Variants in NWD1 observed in about 807,000 individuals in gnomAD.
NWD1 encodes NACHT and WD repeat domain containing 1, also known as NACHT domain- and WD repeat-containing protein 1.
NWD1 carries 129 observed loss-of-function variants against 135.1 expected under a neutral mutation model. The ratio of observed to expected loss-of-function variants is 0.96; its 90% CI spans 0.83 to 1.11. The LOEUF (loss-of-function observed/expected upper bound fraction) is 1.11. Among genes scored for constraint, NWD1 ranks in the 50% least tolerant of loss-of-function variants. The probability of loss-of-function intolerance (pLI) is 0.00; values close to 1 mark genes in which losing one functional copy is unlikely to be tolerated. For synonymous variants in NWD1, 773 were observed against 786.0 expected (o/e 0.98, Z 0.28); for missense variants, 1,740 against 1,851.3 (o/e 0.94, Z 1.10).
intron 18 of NWD1, among the ~76,000 whole-genome samples, chr19:16,811,291 T>C (rs1227800515): frequency 6.6e-6 from 1 of 152,094 alleles, no homozygotes; most frequent in Non-Finnish European, 1.5e-5. Context: ...AAAAAAGAAA[T>C]TGAATCCTAT....
intron 10 of NWD1, among the ~76,000 whole-genome samples, chr19:16,770,825 T>G (rs181642592): frequency 2.0e-5 from 3 of 152,288 alleles, no homozygotes; most frequent in Non-Finnish European, 4.4e-5. Flanking sequence ...CCTATTTTTG[T>G]CATCTGCAAA....
chr19:16,762,485 C>T (rs929551158), intron 8 of NWD1, among the ~76,000 whole-genome samples: 12 of 151,718 alleles, frequency 7.9e-5, no homozygotes, highest in African/African-American at 2.4e-4. Flanking sequence ...TTAGTAGAGA[C>T]GGGGTTTCAC....
rs749701483 is a variant in NWD1, at chr19:16,773,128, A to C, written c.2413A>C (p.Arg805=). The C allele has an allele frequency of 3.7e-5, 60 of 1,613,666 alleles. No individual in the cohort carries two copies. The highest frequency in any genetic ancestry group is 4.2e-6 in the Non-Finnish European group (5 of 1,179,926). ...TAGTCTACATCCCTTTGTTGCAGAGAGGAGCCTCCTGTACACAGAACTGCT... is the reference window on the plus strand; with the variant it reads ...TAGTCTACATCCCTTTGTTGCAGAGCGGAGCCTCCTGTACACAGAACTGCT... ...RPAVELRGME[R]SLLYTELLAR... Residue 805 remains arginine, a splice_region_variant and synonymous_variant, in exon 11 of 19, where the codon AGG becomes CGG. Coordinates refer to ENST00000524140, the MANE Select transcript of NWD1 (RefSeq NM_001007525.5).
chr19:16,732,502 C>A (rs1431397889), intron 3 of NWD1, among the ~76,000 whole-genome samples: 2 of 150,478 alleles, frequency 1.3e-5, no homozygotes, highest in Non-Finnish European at 2.9e-5. Flanking sequence ...GTTGGACATG[C>A]CTTTTTCTAG....
At chr19:16,802,944 T>A (rs1473939636) in intron 17 of NWD1, among the ~76,000 whole-genome samples, 4 of 132,850 alleles carry the variant, frequency 3.0e-5, no homozygotes, top group African/African-American at 1.3e-4. Context: ...TCAGACTCTG[T>A]CTCAAAAAAA....
At chr19:16,788,615 C>G (rs947937991) in intron 12 of NWD1, among the ~76,000 whole-genome samples, 1 of 149,976 alleles carries the variant, frequency 6.7e-6, no homozygotes, top group African/African-American at 2.5e-5. Context: ...AAATAATTAT[C>G]CTTGATTACA....
Sources: gnomAD v4.1 joint callset for allele counts (sites outside exome capture counted in the v4.1 genomes callset) on GRCh38, gnomAD v4.1.1 for gene constraint, MANE v1.5 for transcripts, NCBI Gene and HGNC (gene_info 2026-07-23, HGNC 2026-07-21) for gene names.